Variants in HS6ST2 observed in about 807,000 individuals in gnomAD.
The protein encoded by HS6ST2 is heparan sulfate 6-O-sulfotransferase 2.
In HS6ST2, 17 loss-of-function variants were observed where a neutral mutation model predicts 33.0. That is an observed-to-expected ratio of 0.52 (90% confidence interval 0.35 to 0.77). The LOEUF is 0.77. HS6ST2 is among the 30% of genes least tolerant of loss of function. The probability of loss-of-function intolerance (pLI) is 0.01; values close to 1 mark genes in which losing one functional copy is unlikely to be tolerated. For missense variants in HS6ST2, 519 were observed against 551.7 expected (o/e 0.94, Z 0.59); for synonymous variants, 248 against 237.1 (o/e 1.05, Z -0.42).
intron 2 of HS6ST2, among the ~76,000 whole-genome samples, chrX:132,721,433 C>G (rs1275907246): frequency 9.0e-6 from 1 of 111,615 alleles, no homozygotes; most frequent in African/African-American, 3.3e-5. Flanking sequence ...AAAAGCAGTA[C>G]TAAGAGATAA....
rs947708768 is a variant in HS6ST2, at chrX:132,937,716, C to G, written c.947+19092G>C. 2.7e-5 allele frequency among the ~76,000 whole-genome samples: 3 copies of G among 111,490 alleles called. No homozygotes were observed. In the Admixed American group the frequency reaches 2.9e-4, roughly 11 times the overall value. ...TCAACTCAAGATTAAAGACTTAAAC[C>G]TAAGACCTGAAACTATGAAAATACT... On this transcript the variant is annotated intron_variant, in intron 2 of 4. Transcript: ENST00000370833.
intron 2 of HS6ST2, among the ~76,000 whole-genome samples, chrX:132,878,429 G>A (rs1250010283): frequency 8.9e-6 from 1 of 112,301 alleles, no homozygotes; most frequent in East Asian, 2.8e-4. Flanking sequence ...TTGTGGGGCA[G>A]GTCGGAGATT....
intron 2 of HS6ST2, among the ~76,000 whole-genome samples, chrX:132,945,730 T>C (rs887092837): frequency 2.6e-4 from 28 of 107,547 alleles, no homozygotes; most frequent in Admixed American, 5.0e-4. Context: ...CTGGAAACCA[T>C]CATTCTCAGC....
At chrX:132,893,944 C>T (rs920232603) in intron 2 of HS6ST2, among the ~76,000 whole-genome samples, 5 of 110,854 alleles carry the variant, frequency 4.5e-5, no homozygotes, top group African/African-American at 1.6e-4. Context: ...ATCCAGAGCT[C>T]ACTAATTATC....
intron 2 of HS6ST2, among the ~76,000 whole-genome samples, chrX:132,875,470 C>A (rs1475990029): frequency 9.1e-6 from 1 of 110,038 alleles, no homozygotes; most frequent in East Asian, 2.9e-4. Context: ...GGCTAGCGGG[C>A]CTTTGTGAAA....
At chrX:132,921,490 G>T (rs1490310210) in intron 2 of HS6ST2, among the ~76,000 whole-genome samples, 2 of 112,041 alleles carry the variant, frequency 1.8e-5, no homozygotes, top group Non-Finnish European at 3.8e-5. Context: ...TTATAATTTT[G>T]CTTATTCAAC....
intron 2 of HS6ST2, among the ~76,000 whole-genome samples, chrX:132,913,980 C>A (rs1193352409): frequency 8.9e-6 from 1 of 111,956 alleles, no homozygotes; most frequent in African/African-American, 3.3e-5. Context: ...CTCTCCCCCT[C>A]TCCTGCTCCC....
intron 3 of HS6ST2, among the ~76,000 whole-genome samples, chrX:132,706,299 C>T (rs1170800316): frequency 8.9e-6 from 1 of 112,062 alleles, no homozygotes; most frequent in Non-Finnish European, 1.9e-5. Context: ...GGCATGTCAG[C>T]ATCCTTTTAT....
At chrX:132,835,400 C>T (rs928000767) in intron 2 of HS6ST2, among the ~76,000 whole-genome samples, 11 of 111,425 alleles carry the variant, frequency 9.9e-5, no homozygotes, top group Non-Finnish European at 1.9e-5. Flanking sequence ...ACCTGCAGAG[C>T]ACCTCCCCCA....
chrX:132,762,457 T>C (rs2064811082), intron 2 of HS6ST2, among the ~76,000 whole-genome samples: 1 of 112,552 alleles, frequency 8.9e-6, no homozygotes, highest in Admixed American at 9.4e-5. Flanking sequence ...ACAGATTTTA[T>C]TCAGATCCTT....
chrX:132,872,166 A>T (rs1217896547), intron 2 of HS6ST2, among the ~76,000 whole-genome samples: 2 of 111,547 alleles, frequency 1.8e-5, no homozygotes, highest in Non-Finnish European at 3.8e-5. Context: ...AATGATTCAC[A>T]TCGGTTGTCC....
At chrX:132,697,446 A>C (rs1189039575) in intron 3 of HS6ST2, among the ~76,000 whole-genome samples, 3 of 112,286 alleles carry the variant, frequency 2.7e-5, no homozygotes, top group Non-Finnish European at 5.6e-5. Context: ...GTCTGGTTCT[A>C]CATTCAAGAA....
At chrX:132,755,504 G>T (rs1055729691) in intron 2 of HS6ST2, among the ~76,000 whole-genome samples, 15 of 104,492 alleles carry the variant, frequency 1.4e-4, no homozygotes, top group Admixed American at 6.2e-4. Flanking sequence ...TAAGGCAATG[G>T]TTTTTTTTTT....
intron 2 of HS6ST2, among the ~76,000 whole-genome samples, chrX:132,933,357 C>T (rs1292878129): frequency 3.6e-5 from 4 of 110,509 alleles, no homozygotes; most frequent in Admixed American, 9.8e-5. Flanking sequence ...ACAAGGCTTC[C>T]GCAGACAATT....
chrX:132,800,879 T>C (rs1228924061), intron 2 of HS6ST2, among the ~76,000 whole-genome samples: 1 of 111,441 alleles, frequency 9.0e-6, no homozygotes, highest in Non-Finnish European at 1.9e-5. Flanking sequence ...TCTCATGACA[T>C]CTGATGGTTT....
chrX:132,769,100 G>A (rs1004100090), intron 2 of HS6ST2, among the ~76,000 whole-genome samples: 1 of 111,953 alleles, frequency 8.9e-6, no homozygotes, highest in African/African-American at 3.2e-5. Flanking sequence ...GGTAATGCCA[G>A]ACACTAATTC....
At chrX:132,792,144 G>A in intron 2 of HS6ST2, among the ~76,000 whole-genome samples, 1 of 112,516 alleles carries the variant, frequency 8.9e-6, no homozygotes, top group East Asian at 2.8e-4. Context: ...TCAGGTCCTG[G>A]AAAAACATGA....
intron 4 of HS6ST2, among the ~76,000 whole-genome samples, chrX:132,652,060 A>G (rs1282928269): frequency 2.7e-5 from 3 of 111,679 alleles, no homozygotes; most frequent in Admixed American, 1.9e-4. Flanking sequence ...TCAAACCTAC[A>G]CTGAAGAGGC....
At chrX:132,813,192 T>C (rs925065888) in intron 2 of HS6ST2, among the ~76,000 whole-genome samples, 1 of 111,727 alleles carries the variant, frequency 9.0e-6, no homozygotes, top group Admixed American at 9.6e-5. Flanking sequence ...CTCAATAACC[T>C]CTTTAATTAC....
Sources: gnomAD v4.1 joint callset for allele counts (sites outside exome capture counted in the v4.1 genomes callset) on GRCh38, gnomAD v4.1.1 for gene constraint, MANE v1.5 for transcripts, NCBI Gene and HGNC (gene_info 2026-07-23, HGNC 2026-07-21) for gene names.